Variants in IQSEC1 observed in about 807,000 individuals in gnomAD.
IQSEC1 encodes IQ motif and Sec7 domain ArfGEF 1.
Under a neutral mutation model 91.0 loss-of-function variants are expected in IQSEC1, and 31 were observed. That is an observed-to-expected ratio of 0.34 (90% confidence interval 0.26 to 0.46). The LOEUF (loss-of-function observed/expected upper bound fraction) is 0.46, where lower values mean the gene tolerates loss of function less well. Among genes scored for constraint, IQSEC1 ranks in the 20% least tolerant of loss-of-function variants. The pLI is 1.00. For missense variants in IQSEC1, 1,388 were observed against 1,575.6 expected (o/e 0.88, Z 2.02); for synonymous variants, 699 against 662.6 (o/e 1.05, Z -0.84).
chr3:13,026,124 G>A (rs1241229462), intron 1 of IQSEC1, among the ~76,000 whole-genome samples: 2 of 152,238 alleles, frequency 1.3e-5, no homozygotes, highest in African/African-American at 4.8e-5. Context: ...AGAATGATAG[G>A]TCAGGGTACT....
intron 1 of IQSEC1, among the ~76,000 whole-genome samples, chr3:13,062,656 C>T (rs963763868): frequency 6.6e-6 from 1 of 152,134 alleles, no homozygotes; most frequent in Non-Finnish European, 1.5e-5. Context: ...GACACCCGAA[C>T]AAGGAAGGGG....
In IQSEC1 at chr3:12,922,114, C is replaced by A; in HGVS notation, c.1853+6G>T. ...ATGCAGCAGCCCCAGCCAGCCCGGGCCCCACCTGAACGCCTCTATGAGCCG... is the reference window on the plus strand; with the variant it reads ...ATGCAGCAGCCCCAGCCAGCCCGGGACCCACCTGAACGCCTCTATGAGCCG... On this transcript the variant is annotated splice_donor_region_variant and intron_variant, in intron 5 of 13. Coordinates refer to ENST00000613206, the MANE Select transcript of IQSEC1 (RefSeq NM_001134382.3). The surrounding 1 kb of genome is among the most constrained non-coding windows in gnomAD (Gnocchi z 5.1). 1 of 1,584,344 alleles carries A rather than the reference C, an allele frequency of 6.3e-7. No individual in the cohort carries two copies. The highest frequency in any genetic ancestry group is 1.4e-5 in the African/African-American group (1 of 74,006).
In IQSEC1 at chr3:13,171,098, C is replaced by CA. The variant is rs1169847070; in HGVS notation, c.273-6966dup. Among the ~76,000 whole-genome samples, 96 of 141,820 alleles carry CA rather than the reference C, an allele frequency of 6.8e-4. 1 individual carries two copies. The East Asian group carries it at 0.012, about 17-fold the overall frequency. 93.0% of individuals were successfully genotyped at this position (141,820 alleles called of 152,430 possible). A position where few individuals can be genotyped will look rare whatever the true frequency, so the allele number is the denominator to read the frequency against. Reference sequence around the variant, plus strand: ...CTGGCAACACAGCAAGACTCCATCTCAAAAAAAACAAAAAAAACAAAAAAA... The same window carrying CA: ...CTGGCAACACAGCAAGACTCCATCTCAAAAAAAAACAAAAAAAACAAAAAAA... On this transcript the variant is annotated intron_variant, in intron 1 of 15. Coordinates refer to the IQSEC1 transcript ENST00000648114.
At chr3:13,187,124 A>G (rs979711474) in intron 1 of IQSEC1, among the ~76,000 whole-genome samples, 3 of 151,830 alleles carry the variant, frequency 2.0e-5, no homozygotes, top group African/African-American at 7.3e-5. Flanking sequence ...CCATCCACCC[A>G]CACACCTGTC....
Position 12,961,272 on chromosome 3 carries a change from TG to T in IQSEC1, c.24-19408del, listed in dbSNP as rs376227564. ...AGCTCTGCTCCATCTGACACAGGGC[TG>T]GGGGCCTCTACCTTGATGTCCTAAC... On this transcript the variant is annotated intron_variant, in intron 1 of 13. Transcript: ENST00000613206. Among the ~76,000 whole-genome samples, 59 of 152,316 alleles carry T rather than the reference TG, an allele frequency of 3.9e-4. 1 individual carries two copies. In the South Asian group the frequency reaches 0.012, roughly 31 times the overall value.
At chr3:13,116,791 AAAAAAC>A (rs948342119) in intron 2 of IQSEC1, among the ~76,000 whole-genome samples, 4 of 152,114 alleles carry the variant, frequency 2.6e-5, no homozygotes, top group East Asian at 1.9e-4. Context: ...TCCTGTCTCA[AAAAAAC>A]AAAAACAAAA....
intron 2 of IQSEC1, among the ~76,000 whole-genome samples, chr3:12,937,857 G>C (rs1242143860): frequency 1.3e-5 from 2 of 152,204 alleles, no homozygotes; most frequent in Non-Finnish European, 2.9e-5. Context: ...TCAGGCTCTG[G>C]AGCTGGCTTT....
At chr3:12,927,718 G>A (rs1697283950) in intron 3 of IQSEC1, among the ~76,000 whole-genome samples, 1 of 152,242 alleles carries the variant, frequency 6.6e-6, no homozygotes, top group Admixed American at 6.5e-5. Flanking sequence ...TGTCTGCTGG[G>A]CCAGGCACCT....
chr3:12,918,888 G>T (rs1350989960), intron 6 of IQSEC1, among the ~76,000 whole-genome samples: 1 of 151,942 alleles, frequency 6.6e-6, no homozygotes, highest in African/African-American at 2.4e-5. Context: ...CTGCCAGAGG[G>T]ACCTCTAAAT....
intron 2 of IQSEC1, among the ~76,000 whole-genome samples, chr3:13,113,781 C>A (rs1429136395): frequency 6.6e-6 from 1 of 152,212 alleles, no homozygotes; most frequent in Non-Finnish European, 1.5e-5. Context: ...TCTGGCCAGG[C>A]CATCCCGTCT....
At chr3:13,194,429 C>T (rs1694091340) in intron 1 of IQSEC1, among the ~76,000 whole-genome samples, 2 of 152,168 alleles carry the variant, frequency 1.3e-5, no homozygotes, top group African/African-American at 4.8e-5. Flanking sequence ...CCCTGTCCCT[C>T]AGGTGCCGGG....
At chr3:13,191,343 T>G (rs1694026416) in intron 1 of IQSEC1, among the ~76,000 whole-genome samples, 1 of 152,252 alleles carries the variant, frequency 6.6e-6, no homozygotes, top group Non-Finnish European at 1.5e-5. Flanking sequence ...ATAGCTATCT[T>G]CGTCGTATTC....
chr3:13,123,832 C>T (rs1272442491), intron 2 of IQSEC1, among the ~76,000 whole-genome samples: 3 of 152,160 alleles, frequency 2.0e-5, no homozygotes, highest in East Asian at 1.9e-4. Context: ...CTGAGCCTGG[C>T]GAGACTGATT....
intron 1 of IQSEC1, among the ~76,000 whole-genome samples, chr3:13,184,456 C>T (rs1006957126): frequency 1.3e-5 from 2 of 152,190 alleles, no homozygotes; most frequent in African/African-American, 2.4e-5. Flanking sequence ...AAGGAAATGT[C>T]CTCAGCCTGA....
intron 1 of IQSEC1, among the ~76,000 whole-genome samples, chr3:13,181,265 C>T (rs540182458): frequency 5.1e-4 from 77 of 150,646 alleles, no homozygotes; most frequent in Non-Finnish European, 9.7e-4. Flanking sequence ...AGCGAGACTC[C>T]GTCTCAAACA....
rs569803555 is a variant in IQSEC1 at position 12,920,931 on chromosome 3, C to T, written c.1854-335G>A. 3.8e-3 allele frequency among the ~76,000 whole-genome samples: 586 copies of T among 152,318 alleles called. 1 individual carries two copies. Among genetic ancestry groups the T allele is most frequent in the Middle Eastern group, 0.01 (3 of 294 alleles). On this transcript the variant is annotated intron_variant, in intron 5 of 13. Transcript: ENST00000613206. ...GCCTGTAAGGCTGGGCCCCTCTCCC[C>T]GCTGCCTGCAATGGGGACATCACAG... is the stretch of plus-strand genomic sequence containing the variant.
chr3:13,272,504 C>T (rs1695606128), intron 1 of IQSEC1, among the ~76,000 whole-genome samples: 1 of 152,224 alleles, frequency 6.6e-6, no homozygotes. Context: ...AGTACGGGGG[C>T]ATCTGTTGAC....
chr3:12,902,658 C>A lies in IQSEC1; in HGVS notation c.2805+115G>T, dbSNP rs202201483. 2.2e-3 allele frequency: 579 copies of A among 267,950 alleles called. 2 individuals carry two copies. The highest frequency in any genetic ancestry group is 3.1e-3 in the East Asian group (46 of 14,802). 16.6% of individuals were successfully genotyped at this position (267,950 alleles called of 1,614,324 possible). Reference sequence around the variant, plus strand: ...AAGGAAAAGCCAAAAAAAAAAACAACAAAAAAAAAACCAAAAAAAAAAAAA... The same window carrying A: ...AAGGAAAAGCCAAAAAAAAAAACAAAAAAAAAAAAACCAAAAAAAAAAAAA... On this transcript the variant is annotated intron_variant, in intron 13 of 13. Transcript: ENST00000613206.
Position 13,188,771 on chromosome 3 carries a change from C to T in IQSEC1, c.273-24638G>A, listed in dbSNP as rs148313164. 3.3e-5 allele frequency among the ~76,000 whole-genome samples: 5 copies of T among 152,354 alleles called. No homozygotes were observed. In the East Asian group the frequency reaches 9.6e-4, roughly 29 times the overall value. ...GACCACTGCAAGCCAAGAGGCTCCA[C>T]AGGAAAAAGCCAACTAGAGGGAAGC... On this transcript the variant is annotated intron_variant, in intron 1 of 15. Transcript: ENST00000648114.
Sources: gnomAD v4.1 joint callset for allele counts (sites outside exome capture counted in the v4.1 genomes callset) on GRCh38, gnomAD v4.1.1 for gene constraint, Gnocchi (gnomAD v3.1) non-coding constraint, MANE v1.5 for transcripts, NCBI Gene and HGNC (gene_info 2026-07-23, HGNC 2026-07-21) for gene names.